IL20RA: variants seen among roughly 807,000 people sequenced by gnomAD.
The protein encoded by IL20RA is interleukin-20 receptor subunit alpha.
IL20RA carries 29 observed loss-of-function variants against 36.5 expected under a neutral mutation model. That is an observed-to-expected ratio of 0.79 (90% confidence interval 0.59 to 1.08). IL20RA has a LOEUF of 1.08. Among genes scored for constraint, IL20RA ranks in the 50% least tolerant of loss-of-function variants. The pLI is 0.00. For synonymous variants in IL20RA, 279 were observed against 267.1 expected (o/e 1.04, Z -0.43); for missense variants, 652 against 668.4 (o/e 0.98, Z 0.27).
chr6:137,041,179 G>A (rs1415376855), intron 1 of IL20RA, among the ~76,000 whole-genome samples: 1 of 152,238 alleles, frequency 6.6e-6, no homozygotes. Context: ...TCAAGGTCAT[G>A]AAAGCAAAGA....
rs564740199 is a variant in IL20RA at position 137,005,955 on chromosome 6, T to A, written c.725-1195A>T. On this transcript the variant is annotated intron_variant, in intron 5 of 6. Transcript: ENST00000316649. ...AAATCAATATTTCTAAACAAATAAA[T>A]ATATCGATATGTGCATCTATATGTA... Among the ~76,000 whole-genome samples the A allele has an allele frequency of 5.5e-4, 83 of 152,194 alleles. 1 individual carries two copies. The highest frequency in any genetic ancestry group is 9.1e-4 in the Non-Finnish European group (62 of 68,042).
intron 1 of IL20RA, among the ~76,000 whole-genome samples, chr6:137,035,548 T>G (rs188406182): frequency 5.3e-4 from 80 of 152,308 alleles, no homozygotes; most frequent in African/African-American, 4.6e-4. Flanking sequence ...TTGTTCACCC[T>G]GAAGCCTAGA....
chr6:137,037,758 C>T (rs55665027), intron 1 of IL20RA, among the ~76,000 whole-genome samples: 5,406 of 152,128 alleles, frequency 0.036, 343 homozygotes, highest in African/African-American at 0.12. Context: ...AGGCACCTAG[C>T]AGTTTTCTGG....
At chr6:137,044,407 G>C (rs1776821844) in intron 1 of IL20RA, 15 of 1,017,540 alleles carry the variant, frequency 1.5e-5, no homozygotes, top group African/African-American at 3.4e-5. Flanking sequence ...GCGGAGCGCG[G>C]AGTCCTGCAA....
chr6:137,009,093 C>T (rs1181055027), intron 4 of IL20RA: 2 of 605,406 alleles, frequency 3.3e-6, no homozygotes, highest in African/African-American at 3.7e-5. Flanking sequence ...TCTCTCTACA[C>T]TCCAATAACA....
intron 1 of IL20RA, chr6:137,042,796 A>G (rs1404788262): frequency 6.6e-6 from 1 of 152,218 alleles, no homozygotes. Flanking sequence ...TGAGAGTGGC[A>G]AAGTCATAGA....
intron 1 of IL20RA, among the ~76,000 whole-genome samples, chr6:137,043,796 A>T (rs989029369): frequency 1.3e-5 from 2 of 152,150 alleles, no homozygotes; most frequent in Admixed American, 6.5e-5. Context: ...TTTTAAAATA[A>T]TTTTTTTAAA....
At chr6:137,035,819 G>A (rs1215774953) in intron 1 of IL20RA, among the ~76,000 whole-genome samples, 1 of 152,196 alleles carries the variant, frequency 6.6e-6, no homozygotes, top group Admixed American at 6.5e-5. Flanking sequence ...AATAAGTTGA[G>A]CATTTAGTAG....
chr6:137,044,520 C>T (rs1041174586), intron 1 of IL20RA, 121 bp downstream of exon 1: 3 of 1,061,564 alleles, frequency 2.8e-6, no homozygotes, highest in Admixed American at 8.9e-5. Flanking sequence ...TCGTCCTCTG[C>T]CCGCCCGAAA....
intron 1 of IL20RA, among the ~76,000 whole-genome samples, chr6:137,019,893 A>C (rs1020723389): frequency 6.6e-6 from 1 of 152,180 alleles, no homozygotes; most frequent in Admixed American, 6.5e-5. Flanking sequence ...TTATGGGTAA[A>C]TCTTATCTAT....
intron 1 of IL20RA, among the ~76,000 whole-genome samples, chr6:137,020,606 C>T (rs1189328018): frequency 6.6e-6 from 1 of 151,330 alleles, no homozygotes; most frequent in Non-Finnish European, 1.5e-5. Flanking sequence ...AAATTAAAAA[C>T]TACCCGAGGA....
chr6:137,031,924 G>A (rs376009078), intron 1 of IL20RA, among the ~76,000 whole-genome samples: 65 of 151,484 alleles, frequency 4.3e-4, no homozygotes, highest in African/African-American at 1.5e-3. Context: ...GGCAGCGCAC[G>A]TGCCTGTAAT....
chr6:137,008,869 T>A (rs1775369658), intron 4 of IL20RA, 126 bp from the exon 5 acceptor site: 1 of 551,890 alleles, frequency 1.8e-6, no homozygotes. Context: ...TATAAGCTTT[T>A]TTTTTTTTTT....
In IL20RA at chr6:137,011,335, G is replaced by C. The variant is rs1192968937; in HGVS notation, c.342C>G (p.Ala114=). The C allele has an allele frequency of 1.2e-6, 2 of 1,613,820 alleles. No homozygotes were observed. Among genetic ancestry groups the C allele is most frequent in the South Asian group, 1.1e-5 (1 of 91,034 alleles). ...ATTTGGAACACTTTGTTCCCCAAAT[G>C]GCCTTAACTTTGGCATAATACTGGT... ...YEHQYYAKVK[A]IWGTKCSKWA... is the part of the protein sequence containing the mutation. Residue 114 remains alanine (A), a synonymous_variant, in exon 3 of 7, where the codon GCC becomes GCG. Transcript: ENST00000316649.
At chr6:137,010,596 G>A (rs1194119940) in intron 3 of IL20RA, among the ~76,000 whole-genome samples, 3 of 152,110 alleles carry the variant, frequency 2.0e-5, no homozygotes, top group South Asian at 2.1e-4. Context: ...GCCCTGAGTG[G>A]GTCCTTCATG....
intron 1 of IL20RA, among the ~76,000 whole-genome samples, chr6:137,022,488 T>A (rs891796757): frequency 6.6e-6 from 1 of 152,208 alleles, no homozygotes; most frequent in Non-Finnish European, 1.5e-5. Context: ...TTGTCTCCCA[T>A]ATAAATCATA....
intron 1 of IL20RA, 56 bp downstream of exon 1, chr6:137,044,585 C>T (rs1274662102): frequency 5.8e-6 from 7 of 1,212,888 alleles, no homozygotes; most frequent in Non-Finnish European, 7.2e-6. Context: ...CTCTGCCTGG[C>T]GGGGCCCCGG....
At chr6:137,011,175 G>C in intron 3 of IL20RA, 99 bp downstream of exon 3, 1 of 967,234 alleles carries the variant, frequency 1.0e-6, no homozygotes, top group South Asian at 1.7e-5. Flanking sequence ...CAGCCAAGCA[G>C]AGTACCTTCC....
intron 6 of IL20RA, 21 bp downstream of exon 6, chr6:137,004,600 C>G (rs775031043): frequency 3.1e-6 from 5 of 1,611,050 alleles, no homozygotes; most frequent in East Asian, 2.2e-5. Context: ...AATAAAGAAC[C>G]CTGCCACACC....
Sources: allele counts gnomAD v4.1 joint callset (sites outside exome capture counted in the v4.1 genomes callset), GRCh38; gene constraint gnomAD v4.1.1; transcripts MANE v1.5; gene names NCBI Gene and HGNC (gene_info 2026-07-23, HGNC 2026-07-21).